The following WDR33 variants were observed in gnomAD, a reference collection of about 807,000 sequenced individuals.
WDR33 encodes WD repeat domain 33.
In WDR33, 47 loss-of-function variants were observed where a neutral mutation model predicts 164.9. That is an observed-to-expected ratio of 0.29 (90% CI 0.23 to 0.36). The LOEUF (loss-of-function observed/expected upper bound fraction) is 0.36. Among genes scored for constraint, WDR33 ranks in the 10% least tolerant of loss-of-function variants. The probability of loss-of-function intolerance (pLI) is 1.00; values close to 1 mark genes in which losing one functional copy is unlikely to be tolerated. For synonymous variants in WDR33, 505 were observed against 589.0 expected (o/e 0.86, Z 2.06); for missense variants, 1,137 against 1,754.1 (o/e 0.65, Z 6.28).
intron 1 of WDR33, among the ~76,000 whole-genome samples, chr2:127,801,115 A>G (rs1426700780): frequency 6.6e-6 from 1 of 151,284 alleles, no homozygotes; most frequent in Non-Finnish European, 1.5e-5. Context: ...AAAAAAAAAA[A>G]AAAGAAAAGA....
chr2:127,752,345 C>T (rs1294630986), intron 7 of WDR33, among the ~76,000 whole-genome samples: 2 of 151,554 alleles, frequency 1.3e-5, no homozygotes, highest in Non-Finnish European at 2.9e-5. Context: ...AATCCCAGCA[C>T]TTTGGGAGGC....
chr2:127,723,096 T>C lies in WDR33; in HGVS notation c.1292-52A>G. On this transcript the variant is annotated intron_variant, in intron 12 of 21. Transcript: ENST00000322313. The surrounding 1 kb of genome is among the most constrained non-coding windows in gnomAD (Gnocchi z 5.9). ...ATAGAGAATTTACAAAAGTAGCGAC[T>C]GATAAAATTAATGCTTTATAAAAAT... 1 of 1,507,190 alleles carries C rather than the reference T, an allele frequency of 6.6e-7. No individual in the cohort carries two copies. The highest frequency in any genetic ancestry group is 1.4e-5 in the African/African-American group (1 of 71,382). 93.4% of individuals were successfully genotyped at this position (1,507,190 alleles called of 1,614,324 possible). A position where few individuals can be genotyped will look rare whatever the true frequency, so the allele number is the denominator to read the frequency against.
rs1367320403 is a variant in WDR33 at position 127,718,123 on chromosome 2, A to G, written c.2761-860T>C. ...CTCAGACATCATCAGATTCTCCATGACTACGACACTTTTAGGTTCTGGAAG... is the reference window on the plus strand; with the variant it reads ...CTCAGACATCATCAGATTCTCCATGGCTACGACACTTTTAGGTTCTGGAAG... On this transcript the variant is annotated intron_variant, in intron 16 of 21. Coordinates refer to ENST00000322313, the MANE Select transcript of WDR33 (RefSeq NM_018383.5). The surrounding 1 kb of genome is among the most constrained non-coding windows in gnomAD (Gnocchi z 4.4). 1.3e-5 allele frequency among the ~76,000 whole-genome samples: 2 copies of G among 152,202 alleles called. No homozygotes were observed. The highest frequency in any genetic ancestry group is 2.9e-5 in the Non-Finnish European group (2 of 68,040).
intron 1 of WDR33, among the ~76,000 whole-genome samples, chr2:127,790,441 C>T (rs1688802625): frequency 6.6e-6 from 1 of 151,996 alleles, no homozygotes; most frequent in African/African-American, 2.4e-5. Flanking sequence ...TATATCAAGT[C>T]CCATAAAATG....
chr2:127,719,647 T>A lies in WDR33; in HGVS notation c.2378A>T (p.Asn793Ile), dbSNP rs1353330846. The A allele has an allele frequency of 6.2e-7, 1 of 1,613,424 alleles. No homozygotes were observed. Among genetic ancestry groups the A allele is most frequent in the Admixed American group, 1.7e-5 (1 of 59,928 alleles). ...GMQGPPGPRE[N>I]QGPAPQGMIM... Reference sequence around the variant, plus strand: ...CATCCCTTGGGGAGCAGGACCCTGGTTCTCCCGGGGGCCTGGAGGCCCCTG... The same window carrying A: ...CATCCCTTGGGGAGCAGGACCCTGGATCTCCCGGGGGCCTGGAGGCCCCTG... The change falls in exon 16 of 22, where the codon AAC (asparagine) becomes ATC (isoleucine). Residue 793 changes from asparagine to isoleucine, a missense_variant. Asn to Ile is a moderately radical substitution (Grantham distance 149). Around this residue, in one of 9 missense-constraint regions of WDR33, gnomAD observed 867 missense variants for 1,073.0 expected, o/e 0.81. Transcript: ENST00000322313. The surrounding 1 kb of genome is among the most constrained non-coding windows in gnomAD (Gnocchi z 6.5).
At position 127,711,751 on chromosome 2, in the gene WDR33, G is replaced by GATATATATATATATATATATATAT. The variant is rs754454193; in HGVS notation, c.3308+1808_3308+1831dup. On this transcript the variant is annotated intron_variant, in intron 18 of 21. Transcript: ENST00000322313. ...CAACCCTAACTCAACCACATATACA[G>GATATATATATATATATATATATAT]ATATATATATATATATATATATATA... 1.5e-3 allele frequency among the ~76,000 whole-genome samples: 110 copies of GATATATATATATATATATATATAT among 71,548 alleles called. 1 individual carries two copies. The highest frequency in any genetic ancestry group is 5.3e-3 in the African/African-American group (53 of 10,076). The allele number at this position is 71,548 out of a possible 152,430, so 46.9% of individuals were successfully genotyped here. A position where few individuals can be genotyped will look rare whatever the true frequency, so the allele number is the denominator to read the frequency against.
At chr2:127,808,997 CT>C in intron 1 of WDR33, among the ~76,000 whole-genome samples, 1 of 142,358 alleles carries the variant, frequency 7.0e-6, no homozygotes, top group Non-Finnish European at 1.5e-5. Flanking sequence ...CGCCACTGCA[CT>C]CCAGCCTGGG....
At chr2:127,727,104 C>T (rs542218188) in intron 7 of WDR33, among the ~76,000 whole-genome samples, 2 of 152,228 alleles carry the variant, frequency 1.3e-5, no homozygotes, top group South Asian at 4.1e-4. Context: ...TCATGTTGTT[C>T]CCGATTACCC....
At chr2:127,796,045 C>T (rs1689027413) in intron 1 of WDR33, among the ~76,000 whole-genome samples, 1 of 150,882 alleles carries the variant, frequency 6.6e-6, no homozygotes, top group African/African-American at 2.4e-5. Flanking sequence ...GTAAATAGAA[C>T]AGGTATTAAT....
rs184369777 is a variant in WDR33 at position 127,756,651 on chromosome 2, C to T, written c.724+6411G>A. Reference sequence around the variant, plus strand: ...ACAAAAATTTAAACCTCACTCAAAACGAACTGAAGCATACAATTATAGAAC... The same window carrying T: ...ACAAAAATTTAAACCTCACTCAAAATGAACTGAAGCATACAATTATAGAAC... On this transcript the variant is annotated intron_variant, in intron 7 of 21. Transcript: ENST00000322313. Among the ~76,000 whole-genome samples, 19 of 152,188 alleles carry T rather than the reference C, an allele frequency of 1.2e-4. No homozygotes were observed. In the East Asian group the frequency reaches 3.5e-3, roughly 28 times the overall value.
chr2:127,788,269 G>T (rs1295854091), intron 1 of WDR33, among the ~76,000 whole-genome samples: 1 of 131,088 alleles, frequency 7.6e-6, no homozygotes, highest in African/African-American at 3.0e-5. Context: ...CCTCCCTCCC[G>T]GACAGGGCGG....
At chr2:127,800,710 T>A (rs1689207651) in intron 1 of WDR33, among the ~76,000 whole-genome samples, 1 of 146,578 alleles carries the variant, frequency 6.8e-6, no homozygotes, top group Non-Finnish European at 1.5e-5. Flanking sequence ...AAAAAAATAA[T>A]AATAAAACCA....
rs766219752 is a variant in WDR33, at chr2:127,770,736, T to TAACC, written c.204+38_204+41dup. 1 of 809,046 alleles carries TAACC rather than the reference T, an allele frequency of 1.2e-6. No homozygotes were observed. The highest frequency in any genetic ancestry group is 1.8e-6 in the Non-Finnish European group (1 of 545,820). The allele number at this position is 809,046 out of a possible 1,614,324, so 50.1% of individuals were successfully genotyped here. A position where few individuals can be genotyped will look rare whatever the true frequency, so the allele number is the denominator to read the frequency against. On this transcript the variant is annotated intron_variant, in intron 2 of 21. Coordinates refer to ENST00000322313, the MANE Select transcript of WDR33 (RefSeq NM_018383.5). The surrounding 1 kb of genome is among the most constrained non-coding windows in gnomAD (Gnocchi z 4.9). Reference sequence around the variant, plus strand: ...ATAAATAAATAAATAAATAAATAAATAACCAAAGTTTGGTCATCTGAAGCA... The same window carrying TAACC: ...ATAAATAAATAAATAAATAAATAAATAACCAACCAAAGTTTGGTCATCTGAAGCA...
chr2:127,773,216 CT>C (rs1397772157), intron 1 of WDR33, among the ~76,000 whole-genome samples: 1 of 152,154 alleles, frequency 6.6e-6, no homozygotes, highest in Non-Finnish European at 1.5e-5. Context: ...TCCACAATTG[CT>C]TTTGTTTCAA....
chr2:127,761,460 A>C (rs6713209), intron 7 of WDR33, among the ~76,000 whole-genome samples: 2 of 152,188 alleles, frequency 1.3e-5, no homozygotes, highest in Admixed American at 1.3e-4. Flanking sequence ...TCGGCCTCCC[A>C]AAGTGCTGGG....
intron 8 of WDR33, 54 bp from the exon 9 acceptor site, chr2:127,725,269 A>G: frequency 6.5e-7 from 1 of 1,530,680 alleles, no homozygotes; most frequent in Non-Finnish European, 8.8e-7. Flanking sequence ...GTATAAATAC[A>G]ATGGCCATTT....
At position 127,763,953 on chromosome 2, in the gene WDR33, TTC is replaced by T; in HGVS notation, c.627-796_627-795del. The T allele has an allele frequency of 1.2e-5, 12 of 985,766 alleles. No homozygotes were observed. The highest frequency in any genetic ancestry group is 5.2e-4 in the Middle Eastern group (1 of 1,914). 61.1% of individuals were successfully genotyped at this position (985,766 alleles called of 1,614,324 possible). ...AGCAGAAGCATGTTCATCCAACAAT[TTC>T]TGTTAAGATTCTGAAAGTATGAACA... is the stretch of plus-strand genomic sequence containing the variant. On this transcript the variant is annotated intron_variant, in intron 6 of 21. Coordinates refer to ENST00000322313, the MANE Select transcript of WDR33 (RefSeq NM_018383.5). This position sits in a 1 kb window ranked among gnomAD's most constrained non-coding sequence, Gnocchi z 4.5.
At chr2:127,807,554 T>C (rs1268951008) in intron 1 of WDR33, among the ~76,000 whole-genome samples, 1 of 152,144 alleles carries the variant, frequency 6.6e-6, no homozygotes, top group African/African-American at 2.4e-5. Flanking sequence ...CTAGACTAAC[T>C]AAACAAGTTA....
At chr2:127,801,947 G>A (rs572057454) in intron 1 of WDR33, among the ~76,000 whole-genome samples, 1 of 152,084 alleles carries the variant, frequency 6.6e-6, no homozygotes, top group Admixed American at 6.6e-5. Context: ...TTGGGAGGCT[G>A]AGGCAGGCAG....
Sources: allele counts gnomAD v4.1 joint callset (sites outside exome capture counted in the v4.1 genomes callset), GRCh38; gene constraint gnomAD v4.1.1; regional missense constraint gnomAD v4.1.1; non-coding constraint Gnocchi (gnomAD v3.1); transcripts MANE v1.5; gene names NCBI Gene and HGNC (gene_info 2026-07-23, HGNC 2026-07-21).